Variants in EVI5 observed in about 807,000 individuals in gnomAD.
EVI5 encodes ecotropic viral integration site 5 protein homolog.
In EVI5, 73 loss-of-function variants were observed where a neutral mutation model predicts 112.0. The observed-to-expected ratio is 0.65, with a 90% CI of 0.54 to 0.79. EVI5 has a LOEUF of 0.79. Ranked by LOEUF, EVI5 falls within the 30% of genes least tolerant of loss-of-function variation. The pLI is 0.00. For synonymous variants in EVI5, 305 were observed against 319.9 expected (o/e 0.95, Z 0.50); for missense variants, 900 against 968.8 (o/e 0.93, Z 0.94).
In EVI5 at chr1:92,736,472, G is replaced by A. The variant is rs1309944274; in HGVS notation, c.75C>T (p.Ala25=). ...ACTGTGATGGGGAAGATGGTGAAAG[G>A]GCTGGTGTTGATAGTGTGGTAGATG... is the stretch of plus-strand genomic sequence containing the variant. ...TSSSTTLSTP[A]LSPSSPSQLS... The change falls in exon 2 of 20, where the codon GCC becomes GCT. Residue 25 remains alanine, a synonymous_variant. Coordinates refer to ENST00000684568, the MANE Select transcript of EVI5 (RefSeq NM_001350197.2). 1 of 1,613,894 alleles carries A rather than the reference G, an allele frequency of 6.2e-7. No homozygotes were observed. The highest frequency in any genetic ancestry group is 2.2e-5 in the East Asian group (1 of 44,870).
chr1:92,781,002 C>T (rs1334236636), intron 1 of EVI5, among the ~76,000 whole-genome samples: 4 of 151,996 alleles, frequency 2.6e-5, no homozygotes, highest in Admixed American at 6.5e-5. Context: ...CAGGCACCCG[C>T]CACCACGCCC....
At chr1:92,612,480 G>A (rs987955666) in intron 16 of EVI5, among the ~76,000 whole-genome samples, 7 of 151,880 alleles carry the variant, frequency 4.6e-5, no homozygotes, top group Non-Finnish European at 7.4e-5. Flanking sequence ...AGGCCGAGGC[G>A]GGAGGATCAC....
chr1:92,769,442 T>C (rs887036370), intron 1 of EVI5, among the ~76,000 whole-genome samples: 3 of 152,322 alleles, frequency 2.0e-5, no homozygotes, highest in African/African-American at 4.8e-5. Context: ...TTGTCAGTAT[T>C]TGTGGTACGA....
chr1:92,718,638 G>A (rs1674197080), intron 2 of EVI5, among the ~76,000 whole-genome samples: 1 of 152,014 alleles, frequency 6.6e-6, no homozygotes, highest in Non-Finnish European at 1.5e-5. Flanking sequence ...AAGAACTAGA[G>A]AAGCAAGAGC....
At chr1:92,632,551 A>C (rs1557947804) in intron 14 of EVI5, among the ~76,000 whole-genome samples, 2 of 151,758 alleles carry the variant, frequency 1.3e-5, no homozygotes, top group Admixed American at 6.6e-5. Context: ...TATTGCGTCT[A>C]TTTGATTATT....
chr1:92,583,628 A>T (rs1672319796), intron 18 of EVI5, among the ~76,000 whole-genome samples: 2 of 151,916 alleles, frequency 1.3e-5, no homozygotes, highest in Admixed American at 6.6e-5. Flanking sequence ...TAAAATTTTT[A>T]AAAAGATGGC....
intron 1 of EVI5, among the ~76,000 whole-genome samples, chr1:92,768,071 C>T (rs534370219): frequency 2.1e-5 from 2 of 93,828 alleles, no homozygotes; most frequent in South Asian, 5.0e-4. Flanking sequence ...CAGAGCAAGA[C>T]CCTATCTCAA....
chr1:92,553,743 G>A (rs973635874), intron 19 of EVI5, among the ~76,000 whole-genome samples: 9 of 152,166 alleles, frequency 5.9e-5, no homozygotes, highest in Non-Finnish European at 1.2e-4. Context: ...CCCTGTATGT[G>A]ATTATTACAG....
At chr1:92,779,159 G>A (rs566343938) in intron 1 of EVI5, among the ~76,000 whole-genome samples, 4 of 152,216 alleles carry the variant, frequency 2.6e-5, no homozygotes, top group Non-Finnish European at 4.4e-5. Flanking sequence ...CCAGTCTTCC[G>A]AGGAGGGCCT....
intron 10 of EVI5, among the ~76,000 whole-genome samples, chr1:92,676,826 G>A (rs1170104627): frequency 2.0e-5 from 3 of 152,020 alleles, no homozygotes; most frequent in African/African-American, 7.2e-5. Flanking sequence ...CACTCTTGTT[G>A]GTCTCAGCAT....
intron 13 of EVI5, among the ~76,000 whole-genome samples, chr1:92,645,196 A>G (rs1436085431): frequency 6.6e-6 from 1 of 152,176 alleles, no homozygotes; most frequent in Non-Finnish European, 1.5e-5. Flanking sequence ...AAACACATAC[A>G]ATCTTAAATA....
chr1:92,645,416 C>T (rs1660750598), intron 13 of EVI5, among the ~76,000 whole-genome samples: 1 of 152,120 alleles, frequency 6.6e-6, no homozygotes, highest in African/African-American at 2.4e-5. Context: ...TATAGGCAGA[C>T]CATCTTGATC....
intron 18 of EVI5, among the ~76,000 whole-genome samples, chr1:92,566,981 A>C (rs963836734): frequency 2.0e-5 from 3 of 151,704 alleles, no homozygotes; most frequent in Admixed American, 2.0e-4. Context: ...TAATTTTTAT[A>C]TTTTTATTAG....
chr1:92,694,551 T>C (rs1017982283), intron 7 of EVI5, among the ~76,000 whole-genome samples, 163 bp from the exon 8 acceptor site: 8 of 152,202 alleles, frequency 5.3e-5, no homozygotes, highest in Non-Finnish European at 8.8e-5. Context: ...TTTGGTGGGC[T>C]ATATTGTCTG....
chr1:92,547,192 A>C (rs899110977), intron 19 of EVI5, among the ~76,000 whole-genome samples: 23 of 152,122 alleles, frequency 1.5e-4, no homozygotes, highest in African/African-American at 5.6e-4. Context: ...GGATTAAGAA[A>C]CTCACTCAAA....
intron 14 of EVI5, among the ~76,000 whole-genome samples, chr1:92,632,949 A>C (rs1460936247): frequency 1.3e-5 from 2 of 152,134 alleles, no homozygotes; most frequent in Admixed American, 1.3e-4. Context: ...GTCATTCAGG[A>C]GCAGGTTGTT....
chr1:92,560,896 T>C (rs1668425060), intron 19 of EVI5, among the ~76,000 whole-genome samples: 2 of 151,550 alleles, frequency 1.3e-5, no homozygotes, highest in Non-Finnish European at 2.9e-5. Context: ...TTAAAGCTTC[T>C]GTTCTTTATC....
chr1:92,758,294 C>T (rs896863077), intron 1 of EVI5, among the ~76,000 whole-genome samples: 1 of 151,964 alleles, frequency 6.6e-6, no homozygotes, highest in Non-Finnish European at 1.5e-5. Context: ...TAAGGCTGGG[C>T]GCGGTGGCTC....
At chr1:92,669,800 T>C (rs946728880) in intron 10 of EVI5, among the ~76,000 whole-genome samples, 1 of 152,114 alleles carries the variant, frequency 6.6e-6, no homozygotes, top group Non-Finnish European at 1.5e-5. Flanking sequence ...TACCACCTGA[T>C]TGATTCTCAA....
Sources: allele counts gnomAD v4.1 joint callset (sites outside exome capture counted in the v4.1 genomes callset), GRCh38; gene constraint gnomAD v4.1.1; transcripts MANE v1.5; gene names NCBI Gene and HGNC (gene_info 2026-07-23, HGNC 2026-07-21).